Variants in VTI1A observed in about 807,000 individuals in gnomAD.
VTI1A encodes vesicle transport through interaction with t-SNAREs 1A, also known as vesicle transport through interaction with t-SNAREs homolog 1A.
In VTI1A, 22 loss-of-function variants were observed where a neutral mutation model predicts 34.9. The observed-to-expected ratio is 0.63, with a 90% confidence interval of 0.45 to 0.90. The LOEUF (loss-of-function observed/expected upper bound fraction) is 0.90, where lower values mean the gene tolerates loss of function less well. Ranked by LOEUF, VTI1A falls within the 40% of genes least tolerant of loss-of-function variation. The pLI, the probability that VTI1A is intolerant of heterozygous loss-of-function variation, is 0.00. For synonymous variants in VTI1A, 87 were observed against 97.3 expected, an observed-to-expected ratio of 0.89 and a Z score of 0.62; for missense variants, 268 against 275.6, an observed-to-expected ratio of 0.97 and a Z score of 0.20.
intron 3 of VTI1A, among the ~76,000 whole-genome samples, chr10:112,479,067 TGAGGCAGGAGAATCGCTTGAACCTGG>T (rs975016838): frequency 3.3e-5 from 5 of 152,162 alleles, no homozygotes; most frequent in African/African-American, 9.7e-5. Flanking sequence ...CTAGGGAGGC[TGAGGCAGGAGAATCGCTTGAACCTGG>T]GAGGCAGAGT....
intron 5 of VTI1A, among the ~76,000 whole-genome samples, chr10:112,592,633 C>A (rs570861439): frequency 6.6e-6 from 1 of 152,326 alleles, no homozygotes; most frequent in African/African-American, 2.4e-5. Flanking sequence ...TATTATTTGA[C>A]ATAGTACTTT....
intron 1 of VTI1A, among the ~76,000 whole-genome samples, chr10:112,460,299 G>T (rs1847689452): frequency 6.6e-6 from 1 of 152,036 alleles, no homozygotes; most frequent in Admixed American, 6.6e-5. Flanking sequence ...TCTTAAAAAT[G>T]GTGTCTCTTA....
At position 112,499,562 on chromosome 10, in the gene VTI1A, A is replaced by G. The variant is rs147860884; in HGVS notation, c.265-27525A>G. On this transcript the variant is annotated intron_variant, in intron 3 of 7. Coordinates refer to ENST00000393077, the MANE Select transcript of VTI1A (RefSeq NM_145206.4). ...CATTGCATTCTCCACCATTTTTTCA[A>G]TTGTCCATTTCACATGTCCCAGTCC... Among the ~76,000 whole-genome samples the G allele has an allele frequency of 3.9e-3, 592 of 152,212 alleles. 6 individuals carry two copies. Among genetic ancestry groups the G allele is most frequent in the African/African-American group, 0.014 (561 of 41,528 alleles).
chr10:112,597,476 C>T (rs1322862133), intron 5 of VTI1A, among the ~76,000 whole-genome samples: 1 of 152,170 alleles, frequency 6.6e-6, no homozygotes, highest in Non-Finnish European at 1.5e-5. Context: ...CCTCAGCCTC[C>T]CAAAGAGCTG....
At chr10:112,692,456 A>G (rs1351250169) in intron 7 of VTI1A, among the ~76,000 whole-genome samples, 1 of 152,190 alleles carries the variant, frequency 6.6e-6, no homozygotes, top group Non-Finnish European at 1.5e-5. Context: ...AGGCCCAGAA[A>G]CATGCACTGA....
Position 112,723,615 on chromosome 10 carries a change from A to G in VTI1A, c.560+54617A>G, listed in dbSNP as rs145159365. Among the ~76,000 whole-genome samples the G allele has an allele frequency of 4.6e-5, 7 of 152,346 alleles. No individual in the cohort carries two copies. The East Asian group carries it at 1.3e-3, about 29-fold the overall frequency. On this transcript the variant is annotated intron_variant, in intron 7 of 7. Transcript: ENST00000393077. ...TTTCAGATGGCCCACCCTGCTGATC[A>G]AACCTGTGGTTTGGAAAGCATGGTT...
intron 1 of VTI1A, among the ~76,000 whole-genome samples, chr10:112,456,700 C>G (rs1343794289): frequency 1.3e-5 from 2 of 152,182 alleles, no homozygotes; most frequent in African/African-American, 2.4e-5. Context: ...CCCCCTTATT[C>G]CAGTCTTGAT....
At chr10:112,695,832 G>A (rs1200639420) in intron 7 of VTI1A, among the ~76,000 whole-genome samples, 1 of 152,120 alleles carries the variant, frequency 6.6e-6, no homozygotes, top group Non-Finnish European at 1.5e-5. Context: ...CATCCACTGA[G>A]GTTCATGATG....
At chr10:112,527,311 A>T in intron 4 of VTI1A, 147 bp downstream of exon 4, 1 of 545,154 alleles carries the variant, frequency 1.8e-6, no homozygotes, top group Non-Finnish European at 3.2e-6. Context: ...AGTCTTAATC[A>T]ACTTCAAAAT....
At chr10:112,641,770 A>G (rs1427092829) in intron 5 of VTI1A, among the ~76,000 whole-genome samples, 1 of 152,142 alleles carries the variant, frequency 6.6e-6, no homozygotes, top group Non-Finnish European at 1.5e-5. Context: ...TGCTGCCCAA[A>G]GTGCTTGCTT....
chr10:112,712,040 C>T (rs1849435393), intron 7 of VTI1A, among the ~76,000 whole-genome samples: 1 of 151,734 alleles, frequency 6.6e-6, no homozygotes, highest in Non-Finnish European at 1.5e-5. Context: ...GCCTCAGCAC[C>T]CTTGCTATTC....
intron 7 of VTI1A, among the ~76,000 whole-genome samples, chr10:112,689,323 AGTCATGTGCACCTACCTG>A (rs1161523135): frequency 3.3e-5 from 5 of 152,174 alleles, no homozygotes; most frequent in Non-Finnish European, 7.3e-5. Flanking sequence ...CATCAGTAAC[AGTCATGTGCACCTACCTG>A]GTCATGTGTT....
intron 5 of VTI1A, among the ~76,000 whole-genome samples, chr10:112,551,396 A>G (rs1851356987): frequency 6.6e-6 from 1 of 152,102 alleles, no homozygotes; most frequent in South Asian, 2.1e-4. Context: ...GCTCTAAGAA[A>G]TTAGGATTGG....
chr10:112,507,585 A>G (rs1050636197), intron 3 of VTI1A, among the ~76,000 whole-genome samples: 1 of 152,148 alleles, frequency 6.6e-6, no homozygotes, highest in African/African-American at 2.4e-5. Flanking sequence ...ACTATACCCA[A>G]GATCTCAGAG....
At chr10:112,477,166 T>G (rs540619717) in intron 3 of VTI1A, among the ~76,000 whole-genome samples, 13 of 152,318 alleles carry the variant, frequency 8.5e-5, no homozygotes, top group Middle Eastern at 3.4e-3. Context: ...TTATATTGTT[T>G]TGTTTGACTT....
intron 5 of VTI1A, among the ~76,000 whole-genome samples, chr10:112,591,794 G>A (rs924233716): frequency 6.6e-6 from 1 of 152,110 alleles, no homozygotes; most frequent in Non-Finnish European, 1.5e-5. Flanking sequence ...TGTAATCTGT[G>A]AATACTTTAC....
chr10:112,742,096 G>A (rs947628304), intron 7 of VTI1A, among the ~76,000 whole-genome samples: 4 of 152,196 alleles, frequency 2.6e-5, no homozygotes, highest in African/African-American at 9.7e-5. Flanking sequence ...ACTTTCTGTA[G>A]TTTGATCTAA....
At chr10:112,593,998 C>T (rs998631392) in intron 5 of VTI1A, among the ~76,000 whole-genome samples, 34 of 152,292 alleles carry the variant, frequency 2.2e-4, no homozygotes, top group African/African-American at 7.9e-4. Flanking sequence ...CAAGCTCTGT[C>T]TCCCGGGTTC....
At chr10:112,528,803 G>A (rs755595603) in intron 4 of VTI1A, among the ~76,000 whole-genome samples, 1 of 152,140 alleles carries the variant, frequency 6.6e-6, no homozygotes, top group Admixed American at 6.5e-5. Context: ...AGAAAGGAAG[G>A]GGGTGTGCCT....
Sources: gnomAD v4.1 joint callset for allele counts (sites outside exome capture counted in the v4.1 genomes callset) on GRCh38, gnomAD v4.1.1 for gene constraint, MANE v1.5 for transcripts, NCBI Gene and HGNC (gene_info 2026-07-23, HGNC 2026-07-21) for gene names.